The following CNTN6 variants were observed in gnomAD, a reference collection of about 807,000 sequenced individuals.
CNTN6 encodes contactin-6.
CNTN6 carries 137 observed loss-of-function variants against 122.8 expected under a neutral mutation model. The observed-to-expected ratio is 1.12, with a 90% confidence interval of 0.97 to 1.29. The LOEUF (loss-of-function observed/expected upper bound fraction) is 1.29, where lower values mean the gene tolerates loss of function less well. Ranked by LOEUF, CNTN6 falls within the 50% of genes most tolerant of loss-of-function variation. The pLI is 0.00. For missense variants in CNTN6, 1,634 were observed against 1,223.4 expected (o/e 1.34, Z -5.01); for synonymous variants, 570 against 426.0 (o/e 1.34, Z -4.16).
At chr3:1,207,086 T>G (rs768469164) in intron 2 of CNTN6, among the ~76,000 whole-genome samples, 4 of 152,142 alleles carry the variant, frequency 2.6e-5, no homozygotes, top group Non-Finnish European at 5.9e-5. Context: ...ATTCATCTAT[T>G]GGATGCCACC....
At chr3:1,370,283 G>A (rs1234228508) in intron 12 of CNTN6, among the ~76,000 whole-genome samples, 1 of 151,584 alleles carries the variant, frequency 6.6e-6, no homozygotes, top group East Asian at 1.9e-4. Context: ...TGTGCACAAC[G>A]TGGGAATTGA....
At chr3:1,244,140 C>T (rs1185375424) in intron 4 of CNTN6, among the ~76,000 whole-genome samples, 3 of 151,994 alleles carry the variant, frequency 2.0e-5, no homozygotes, top group South Asian at 2.1e-4. Flanking sequence ...AGCGGTGTTG[C>T]AGAAGAAAAT....
At chr3:1,384,298 C>T (rs55905077) in intron 19 of CNTN6, among the ~76,000 whole-genome samples, 24,903 of 150,546 alleles carry the variant, frequency 0.17, 2,174 homozygotes, top group Non-Finnish European at 0.19. Context: ...ATTTTTTTTT[C>T]CCTTGGTAAG....
chr3:1,324,002 C>T (rs1035404392), intron 8 of CNTN6, among the ~76,000 whole-genome samples: 1 of 145,554 alleles, frequency 6.9e-6, no homozygotes, highest in Non-Finnish European at 1.5e-5. Context: ...TTTCCCAGGT[C>T]AGACATATAT....
intron 11 of CNTN6, among the ~76,000 whole-genome samples, chr3:1,340,736 C>T (rs1372209893): frequency 4.6e-5 from 7 of 152,086 alleles, no homozygotes; most frequent in Non-Finnish European, 1.0e-4. Context: ...CAAAGGGAAT[C>T]CAGGATTGGA....
At chr3:1,112,994 A>G (rs1388647878) in intron 1 of CNTN6, among the ~76,000 whole-genome samples, 1 of 152,176 alleles carries the variant, frequency 6.6e-6, no homozygotes, top group African/African-American at 2.4e-5. Context: ...CCCACTAATT[A>G]CACTATCACT....
intron 1 of CNTN6, among the ~76,000 whole-genome samples, chr3:1,118,112 G>A (rs2091801451): frequency 6.6e-6 from 1 of 152,142 alleles, no homozygotes; most frequent in Non-Finnish European, 1.5e-5. Context: ...TACTTAGTAA[G>A]GCTAAATATG....
intron 11 of CNTN6, among the ~76,000 whole-genome samples, chr3:1,348,799 C>G (rs1307197854): frequency 6.6e-6 from 1 of 151,810 alleles, no homozygotes; most frequent in African/African-American, 2.4e-5. Flanking sequence ...TGCCTGTTTC[C>G]TGATTTATAA....
intron 1 of CNTN6, among the ~76,000 whole-genome samples, chr3:1,099,062 T>C (rs2090710201): frequency 6.6e-6 from 1 of 151,774 alleles, no homozygotes; most frequent in African/African-American, 2.4e-5. Context: ...ATATAAAATA[T>C]TATTTTAAAA....
intron 13 of CNTN6, 66 bp from the exon 14 acceptor site, chr3:1,372,772 T>G: frequency 2.1e-6 from 2 of 946,950 alleles, no homozygotes; most frequent in Non-Finnish European, 3.3e-6. Context: ...TATCCAGCTG[T>G]AACAATAAAG....
chr3:1,324,866 C>G (rs1291937026), intron 8 of CNTN6, among the ~76,000 whole-genome samples: 1 of 149,520 alleles, frequency 6.7e-6, no homozygotes, highest in Non-Finnish European at 1.5e-5. Flanking sequence ...AACAGGTTAC[C>G]TAACATCGCT....
At chr3:1,176,243 C>T (rs2093445804) in intron 2 of CNTN6, among the ~76,000 whole-genome samples, 1 of 152,140 alleles carries the variant, frequency 6.6e-6, no homozygotes, top group Non-Finnish European at 1.5e-5. Flanking sequence ...CATGGAGAAA[C>T]CCTGTTTCTA....
At chr3:1,353,122 G>A (rs900718133) in intron 12 of CNTN6, among the ~76,000 whole-genome samples, 7 of 151,438 alleles carry the variant, frequency 4.6e-5, no homozygotes, top group Non-Finnish European at 8.9e-5. Flanking sequence ...CCCTTTCCTT[G>A]CTGCTTTATT....
At chr3:1,117,083 A>C (rs555804752) in intron 1 of CNTN6, among the ~76,000 whole-genome samples, 9 of 152,314 alleles carry the variant, frequency 5.9e-5, no homozygotes, top group African/African-American at 1.7e-4. Context: ...GGTAAATGCC[A>C]GGGAGAATAA....
chr3:1,336,454 G>T (rs1209016527), intron 11 of CNTN6, among the ~76,000 whole-genome samples: 1 of 152,092 alleles, frequency 6.6e-6, no homozygotes, highest in Non-Finnish European at 1.5e-5. Context: ...CTCAATTACA[G>T]AGATTCTACC....
intron 1 of CNTN6, among the ~76,000 whole-genome samples, chr3:1,108,355 T>C (rs1211579685): frequency 6.6e-6 from 1 of 152,082 alleles, no homozygotes; most frequent in Non-Finnish European, 1.5e-5. Context: ...ATTTGTATTT[T>C]ATATAAGCTT....
chr3:1,392,195 T>C (rs1251007145), intron 20 of CNTN6, among the ~76,000 whole-genome samples: 3 of 152,290 alleles, frequency 2.0e-5, no homozygotes, highest in African/African-American at 7.2e-5. Context: ...ATGGTACTGG[T>C]ACCAAAACAG....
At chr3:1,303,862 G>A (rs1203029389) in intron 7 of CNTN6, among the ~76,000 whole-genome samples, 1 of 152,086 alleles carries the variant, frequency 6.6e-6, no homozygotes, top group Non-Finnish European at 1.5e-5. Flanking sequence ...TGGTTATTAA[G>A]GCTGGTTTAC....
At chr3:1,247,970 G>T (rs2094605463) in intron 4 of CNTN6, among the ~76,000 whole-genome samples, 1 of 152,030 alleles carries the variant, frequency 6.6e-6, no homozygotes, top group Non-Finnish European at 1.5e-5. Flanking sequence ...TCTCTAAAAT[G>T]CAGACAATAG....
Sources: gnomAD v4.1 joint callset for allele counts (sites outside exome capture counted in the v4.1 genomes callset) on GRCh38, gnomAD v4.1.1 for gene constraint, MANE v1.5 for transcripts, NCBI Gene and HGNC (gene_info 2026-07-23, HGNC 2026-07-21) for gene names.